The following IQCM variants were observed in gnomAD, a reference collection of about 807,000 sequenced individuals.
The protein encoded by IQCM is IQ domain-containing protein M.
Under a neutral mutation model 57.6 loss-of-function variants are expected in IQCM, and 45 were observed. That is an observed-to-expected ratio of 0.78 (90% CI 0.62 to 1.00). The LOEUF (loss-of-function observed/expected upper bound fraction) is 1.00, where lower values mean the gene tolerates loss of function less well. IQCM is among the 50% of genes least tolerant of loss of function. The pLI is 0.00. For missense variants in IQCM, 468 were observed against 511.6 expected (o/e 0.91, Z 0.82); for synonymous variants, 148 against 158.9 (o/e 0.93, Z 0.51).
Position 149,481,696 on chromosome 4 carries a change from G to GTTTTTTTTTTTTTTTT in IQCM, c.1229-48140_1229-48139insAAAAAAAAAAAAAAAA, listed in dbSNP as rs1197852884. On this transcript the variant is annotated intron_variant, in intron 12 of 13. Coordinates refer to ENST00000636793, the MANE Select transcript of IQCM (RefSeq NM_001363507.2). Reference sequence around the variant, plus strand: ...GAAGTCATGTAATGTGATTCTTCCAGTTTTGTTTTTTTTTTTTTTTTTTTT... The same window carrying GTTTTTTTTTTTTTTTT: ...GAAGTCATGTAATGTGATTCTTCCAGTTTTTTTTTTTTTTTTTTTTGTTTTTTTTTTTTTTTTTTTT... Among the ~76,000 whole-genome samples the GTTTTTTTTTTTTTTTT allele has an allele frequency of 2.1e-3, 70 of 33,596 alleles. 1 individual carries two copies. The highest frequency in any genetic ancestry group is 3.6e-3 in the East Asian group (4 of 1,100). 22.0% of individuals were successfully genotyped at this position (33,596 alleles called of 152,430 possible). A position where few individuals can be genotyped will look rare whatever the true frequency, so the allele number is the denominator to read the frequency against.
chr4:149,767,821 G>A (rs531634607), intron 2 of IQCM, among the ~76,000 whole-genome samples: 12 of 151,874 alleles, frequency 7.9e-5, no homozygotes, highest in South Asian at 4.2e-4. Flanking sequence ...ATCCCTATGC[G>A]TAAATATTTC....
At chr4:149,690,217 C>T (rs1213914761) in intron 5 of IQCM, among the ~76,000 whole-genome samples, 1 of 151,938 alleles carries the variant, frequency 6.6e-6, no homozygotes, top group Non-Finnish European at 1.5e-5. Flanking sequence ...TGTATATACA[C>T]ACACACAATG....
At chr4:149,683,971 G>A (rs1257258382) in intron 6 of IQCM, among the ~76,000 whole-genome samples, 1 of 151,184 alleles carries the variant, frequency 6.6e-6, no homozygotes, top group East Asian at 1.9e-4. Context: ...ACAAAACTGG[G>A]CAAAGAAATC....
chr4:149,633,244 C>T (rs954033447), intron 7 of IQCM, among the ~76,000 whole-genome samples: 9 of 149,996 alleles, frequency 6.0e-5, no homozygotes, highest in African/African-American at 4.9e-5. Context: ...TGAGCTAAGG[C>T]GAAGACTTTC....
At chr4:149,644,030 G>GTAT (rs966343901) in intron 7 of IQCM, among the ~76,000 whole-genome samples, 4 of 152,216 alleles carry the variant, frequency 2.6e-5, no homozygotes, top group African/African-American at 9.6e-5. Flanking sequence ...GACTGCCTTG[G>GTAT]TATTAGCATT....
chr4:149,479,460 G>C (rs1345896426), intron 12 of IQCM, among the ~76,000 whole-genome samples: 2 of 152,116 alleles, frequency 1.3e-5, no homozygotes, highest in Admixed American at 6.5e-5. Flanking sequence ...CTAGGGGCTT[G>C]GCATGTATGA....
Position 149,373,003 on chromosome 4 carries a change from G to C in IQCM, c.1391-20937C>G, listed in dbSNP as rs556619078. ...TCTATAAGACAGAATAAACAGAATAGGTAAGTGATGCTTCTCAGAAAAACT... is the reference window on the plus strand; with the variant it reads ...TCTATAAGACAGAATAAACAGAATACGTAAGTGATGCTTCTCAGAAAAACT... On this transcript the variant is annotated intron_variant, in intron 13 of 13. Transcript: ENST00000636793. 3.4e-4 allele frequency among the ~76,000 whole-genome samples: 51 copies of C among 152,144 alleles called. No individual in the cohort carries two copies. In the South Asian group the frequency reaches 9.3e-3, roughly 28 times the overall value.
At chr4:149,435,135 A>C (rs1380157645) in intron 12 of IQCM, among the ~76,000 whole-genome samples, 1 of 152,182 alleles carries the variant, frequency 6.6e-6, no homozygotes, top group Non-Finnish European at 1.5e-5. Context: ...ACCCCTTAGT[A>C]GAAAATCACA....
chr4:149,552,984 T>C (rs1284719737), intron 11 of IQCM, among the ~76,000 whole-genome samples, 159 bp downstream of exon 11: 1 of 152,242 alleles, frequency 6.6e-6, no homozygotes, highest in African/African-American at 2.4e-5. Flanking sequence ...TCCAAATAAA[T>C]TAATTCAAAT....
At chr4:149,600,630 ATCAAAGGCACTGGGG>A (rs917760139) in intron 8 of IQCM, among the ~76,000 whole-genome samples, 12 of 152,154 alleles carry the variant, frequency 7.9e-5, no homozygotes, top group Non-Finnish European at 1.3e-4. Flanking sequence ...ACAGCTGCCT[ATCAAAGGCACTGGGG>A]TCAAAGGCTG....
chr4:149,514,732 C>G (rs888655848), intron 12 of IQCM: 1 of 152,112 alleles, frequency 6.6e-6, no homozygotes, highest in Non-Finnish European at 1.5e-5. Context: ...AAATATTGAT[C>G]CTGGGTGTGT....
intron 7 of IQCM, among the ~76,000 whole-genome samples, chr4:149,659,035 A>G (rs1759907889): frequency 1.3e-5 from 2 of 152,044 alleles, no homozygotes; most frequent in Non-Finnish European, 2.9e-5. Context: ...GTTAAAAAAA[A>G]GGGTATCTTT....
At chr4:149,380,981 C>T (rs560267093) in intron 13 of IQCM, among the ~76,000 whole-genome samples, 15 of 152,294 alleles carry the variant, frequency 9.8e-5, no homozygotes, top group African/African-American at 3.4e-4. Flanking sequence ...AGATGTGTAA[C>T]AGTCATTTCA....
rs1729339631 is a variant in IQCM at position 149,359,705 on chromosome 4, TAC to T, written c.1391-7641_1391-7640del. On this transcript the variant is annotated intron_variant, in intron 13 of 13. Coordinates refer to ENST00000636793, the MANE Select transcript of IQCM (RefSeq NM_001363507.2). ...GTCCTATATTTTCTTTTAAATTATC[TAC>T]AAATTTTTATATTCACAAGTCCATG... Among the ~76,000 whole-genome samples, 5 of 152,300 alleles carry T rather than the reference TAC, an allele frequency of 3.3e-5. No homozygotes were observed. In the South Asian group the frequency reaches 1.0e-3, roughly 32 times the overall value.
At chr4:149,575,384 G>T (rs999149559) in intron 9 of IQCM, among the ~76,000 whole-genome samples, 4 of 151,738 alleles carry the variant, frequency 2.6e-5, no homozygotes, top group African/African-American at 9.7e-5. Context: ...GTTCCCAAGG[G>T]TTCAGTACTT....
intron 13 of IQCM, among the ~76,000 whole-genome samples, chr4:149,408,023 A>G (rs945823212): frequency 6.6e-6 from 1 of 152,080 alleles, no homozygotes; most frequent in Non-Finnish European, 1.5e-5. Flanking sequence ...TTGACTTTTT[A>G]ATAACAGCCA....
chr4:149,760,206 C>A (rs1377899600), intron 2 of IQCM, among the ~76,000 whole-genome samples: 2 of 151,384 alleles, frequency 1.3e-5, no homozygotes, highest in East Asian at 1.9e-4. Flanking sequence ...GGTCTTACAT[C>A]GAAGAAGAAA....
At position 149,465,434 on chromosome 4, in the gene IQCM, G is replaced by A. The variant is rs13149761; in HGVS notation, c.1229-31877C>T. Among the ~76,000 whole-genome samples, 539 of 152,124 alleles carry A rather than the reference G, an allele frequency of 3.5e-3. 1 individual carries two copies. The highest frequency in any genetic ancestry group is 5.2e-3 in the Admixed American group (80 of 15,280). ...TAACTAGGGCTCCCAGATGAGTACCGAAAAAAGGCTGATTAACTGCATTCT... is the reference window on the plus strand; with the variant it reads ...TAACTAGGGCTCCCAGATGAGTACCAAAAAAAGGCTGATTAACTGCATTCT... On this transcript the variant is annotated intron_variant, in intron 12 of 13. Transcript: ENST00000636793.
rs138456091 is a variant in IQCM, at chr4:149,468,898, C to A, written c.1229-35341G>T. Reference sequence around the variant, plus strand: ...TCACCTCCAGCAATCTCCAACAGACCTGCAGCTGTGGGTCCTGACTGTTAG... The same window carrying A: ...TCACCTCCAGCAATCTCCAACAGACATGCAGCTGTGGGTCCTGACTGTTAG... On this transcript the variant is annotated intron_variant, in intron 12 of 13. Coordinates refer to ENST00000636793, the MANE Select transcript of IQCM (RefSeq NM_001363507.2). Among the ~76,000 whole-genome samples the A allele has an allele frequency of 4.3e-3, 648 of 152,310 alleles. 3 individuals carry two copies. The highest frequency in any genetic ancestry group is 0.01 in the Middle Eastern group (3 of 294).
Sources: allele counts gnomAD v4.1 joint callset (sites outside exome capture counted in the v4.1 genomes callset), GRCh38; gene constraint gnomAD v4.1.1; transcripts MANE v1.5; gene names NCBI Gene and HGNC (gene_info 2026-07-23, HGNC 2026-07-21).